NAV3: variants seen among roughly 807,000 people sequenced by gnomAD.
NAV3 encodes neuron navigator 3.
A neutral mutation model predicts 244.7 loss-of-function variants in NAV3; 87 were observed. The ratio of observed to expected loss-of-function variants is 0.36; its 90% CI spans 0.30 to 0.42. The LOEUF is 0.42. Among genes scored for constraint, NAV3 ranks in the 20% least tolerant of loss-of-function variants. The pLI is 1.00. For missense variants in NAV3, 2,663 were observed against 2,893.3 expected, an observed-to-expected ratio of 0.92 and a Z score of 1.83; for synonymous variants, 1,126 against 1,042.2, an observed-to-expected ratio of 1.08 and a Z score of -1.55.
chr12:77,982,120 T>C (rs1869677702), intron 5 of NAV3, among the ~76,000 whole-genome samples: 1 of 152,234 alleles, frequency 6.6e-6, no homozygotes, highest in East Asian at 1.9e-4. Context: ...TTATATCAAA[T>C]ACATCTATTT....
chr12:77,859,637 GA>G (rs35019138), intron 1 of NAV3, among the ~76,000 whole-genome samples: 35,168 of 136,490 alleles, frequency 0.26, 4,911 homozygotes, highest in Middle Eastern at 0.35. Context: ...AAATCAAAGT[GA>G]AAAAAAAAAA....
intron 24 of NAV3, among the ~76,000 whole-genome samples, chr12:78,171,674 TAGTC>T (rs1466628714): frequency 6.6e-6 from 1 of 151,508 alleles, no homozygotes; most frequent in African/African-American, 2.4e-5. Context: ...ATGGAAAAAA[TAGTC>T]AGTTGGACTA....
chr12:77,701,789 A>T (rs573273986), intron 2 of NAV3, among the ~76,000 whole-genome samples: 1 of 152,018 alleles, frequency 6.6e-6, no homozygotes, highest in South Asian at 2.1e-4. Flanking sequence ...GCTTTGCTTT[A>T]TATTTTCTTT....
chr12:77,997,315 C>A (rs1179407334), intron 6 of NAV3, among the ~76,000 whole-genome samples: 1 of 150,322 alleles, frequency 6.7e-6, no homozygotes, highest in Non-Finnish European at 1.5e-5. Flanking sequence ...ATTAAATATA[C>A]CTATAGAATA....
At chr12:77,922,458 G>C (rs756884435) in intron 1 of NAV3, among the ~76,000 whole-genome samples, 3 of 151,876 alleles carry the variant, frequency 2.0e-5, no homozygotes, top group Non-Finnish European at 2.9e-5. Context: ...AAAATCCCTC[G>C]TGGGTGTTTA....
At chr12:78,110,419 AG>A (rs1170293355) in intron 12 of NAV3, among the ~76,000 whole-genome samples, 4 of 152,110 alleles carry the variant, frequency 2.6e-5, no homozygotes, top group Non-Finnish European at 5.9e-5. Context: ...CATATTTCAT[AG>A]AATTAGAATA....
In NAV3 at chr12:78,210,257, C is replaced by A. The variant is rs529923261; in HGVS notation, c.7039-141C>A. 1.1e-4 allele frequency: 143 copies of A among 1,303,080 alleles called. 2 individuals are homozygous for A. In the South Asian group the frequency reaches 2.0e-3, roughly 18 times the overall value. The allele number at this position is 1,303,080 out of a possible 1,614,324, so 80.7% of individuals were successfully genotyped here. On this transcript the variant is annotated intron_variant, in intron 39 of 39. Transcript: ENST00000397909. Reference sequence around the variant, plus strand: ...GAAACAGCATAGGAGCCAGGGGCAACGAGTAAAAATCTAAAATTATTTTCC... The same window carrying A: ...GAAACAGCATAGGAGCCAGGGGCAAAGAGTAAAAATCTAAAATTATTTTCC...
At chr12:78,067,922 A>T (rs1271929012) in intron 12 of NAV3, among the ~76,000 whole-genome samples, 1 of 152,030 alleles carries the variant, frequency 6.6e-6, no homozygotes, top group East Asian at 1.9e-4. Flanking sequence ...AATGAATCTT[A>T]TGAGGATGGT....
chr12:77,811,203 G>T (rs1401185153), intron 2 of NAV3, among the ~76,000 whole-genome samples: 1 of 152,104 alleles, frequency 6.6e-6, no homozygotes, highest in Non-Finnish European at 1.5e-5. Flanking sequence ...TACTCCTATT[G>T]TATGTGAATA....
intron 2 of NAV3, among the ~76,000 whole-genome samples, chr12:77,580,171 C>G (rs1193103277): frequency 6.6e-6 from 1 of 151,672 alleles, no homozygotes; most frequent in Admixed American, 6.6e-5. Flanking sequence ...CTTTTAATAC[C>G]AGGCTCCCCT....
Position 78,119,380 on chromosome 12 carries a change from A to G in NAV3, c.3184A>G (p.Thr1062Ala). Residue 1062 changes from threonine (T) to alanine (A), a missense_variant, in exon 15 of 40, where the codon ACC (threonine) becomes GCC (alanine). By Grantham distance (58) the Thr-to-Ala change is moderately conservative. This residue lies in a region of NAV3 where 1,521 missense variants were observed against 1,497.0 expected (regional missense o/e 1.02). Coordinates refer to ENST00000397909, the MANE Select transcript of NAV3 (RefSeq NM_001024383.2). Reference protein sequence around the residue: ...PPSGIGRSTATSSFGFKKPSG... With the variant: ...PPSGIGRSTAASSFGFKKPSG... ...CTCAGGCATTGGAAGATCGACTGCC[A>G]CCAGCTCCTTTGGCTTTAAGAAACC... The G allele has an allele frequency of 6.2e-7, 1 of 1,614,224 alleles. No individual in the cohort carries two copies. Among genetic ancestry groups the G allele is most frequent in the Non-Finnish European group, 8.5e-7 (1 of 1,180,030 alleles).
chr12:77,973,135 C>T (rs1181564553), intron 5 of NAV3, among the ~76,000 whole-genome samples: 1 of 152,068 alleles, frequency 6.6e-6, no homozygotes, highest in Non-Finnish European at 1.5e-5. Context: ...AAAATACATA[C>T]TTTTATCTTA....
At chr12:77,950,981 G>A (rs1468685693) in intron 3 of NAV3, 2 of 152,096 alleles carry the variant, frequency 1.3e-5, no homozygotes, top group Non-Finnish European at 2.9e-5. Context: ...GAAAACCTAG[G>A]CAATACCATT....
At chr12:77,983,191 A>G (rs1226143497) in intron 5 of NAV3, among the ~76,000 whole-genome samples, 1 of 152,208 alleles carries the variant, frequency 6.6e-6, no homozygotes, top group African/African-American at 2.4e-5. Flanking sequence ...GAAAAATGAG[A>G]CTATTTATAA....
intron 1 of NAV3, among the ~76,000 whole-genome samples, chr12:77,853,911 A>T (rs1223175582): frequency 6.6e-6 from 1 of 152,214 alleles, no homozygotes; most frequent in Non-Finnish European, 1.5e-5. Context: ...CACATATTAT[A>T]TGAATCCTAT....
At chr12:78,201,564 A>G (rs563668437) in intron 38 of NAV3, among the ~76,000 whole-genome samples, 46 of 152,132 alleles carry the variant, frequency 3.0e-4, no homozygotes, top group Non-Finnish European at 5.3e-4. Context: ...AAAGATGAAA[A>G]TGTATCACTA....
chr12:77,905,255 C>T (rs971507989), intron 1 of NAV3, among the ~76,000 whole-genome samples: 1 of 151,998 alleles, frequency 6.6e-6, no homozygotes, highest in African/African-American at 2.4e-5. Flanking sequence ...AATATATTGC[C>T]TCTGTATTTA....
intron 2 of NAV3, among the ~76,000 whole-genome samples, chr12:77,701,054 A>C (rs966266410): frequency 1.3e-5 from 2 of 152,004 alleles, no homozygotes; most frequent in African/African-American, 2.4e-5. Context: ...GTTTGGTATC[A>C]GGATTATATT....
At chr12:77,616,717 T>G (rs1871155977) in intron 2 of NAV3, among the ~76,000 whole-genome samples, 3 of 147,378 alleles carry the variant, frequency 2.0e-5, no homozygotes, top group Admixed American at 6.7e-5. Context: ...CTATTTGTGC[T>G]ACACACAGGC....
Sources: gnomAD v4.1 joint callset for allele counts (sites outside exome capture counted in the v4.1 genomes callset) on GRCh38, gnomAD v4.1.1 for gene constraint, gnomAD v4.1.1 regional missense constraint, MANE v1.5 for transcripts, NCBI Gene and HGNC (gene_info 2026-07-23, HGNC 2026-07-21) for gene names.